Variants in PEPD observed in about 807,000 individuals in gnomAD.
The protein encoded by PEPD is xaa-Pro dipeptidase.
In PEPD, 53 loss-of-function variants were observed where a neutral mutation model predicts 60.7. The ratio of observed to expected loss-of-function variants is 0.87; its 90% CI spans 0.70 to 1.10. The LOEUF (loss-of-function observed/expected upper bound fraction) is 1.10, where lower values mean the gene tolerates loss of function less well. Among genes scored for constraint, PEPD ranks in the 50% least tolerant of loss-of-function variants. PEPD has a pLI of 0.00. For missense variants in PEPD, 711 were observed against 711.9 expected, an observed-to-expected ratio of 1.00 and a Z score of 0.01; for synonymous variants, 267 against 284.1, an observed-to-expected ratio of 0.94 and a Z score of 0.60.
chr19:33,474,849 G>A (rs1003564968), intron 7 of PEPD, among the ~76,000 whole-genome samples: 3 of 151,936 alleles, frequency 2.0e-5, no homozygotes, highest in Admixed American at 6.6e-5. Flanking sequence ...ATGTGGTGGC[G>A]TGTACCTGGA....
intron 11 of PEPD, among the ~76,000 whole-genome samples, chr19:33,404,080 C>T (rs1279372004): frequency 1.3e-5 from 2 of 152,210 alleles, no homozygotes; most frequent in Non-Finnish European, 2.9e-5. Flanking sequence ...ACTCGAAGCC[C>T]AGCAATGGGT....
chr19:33,397,909 A>G (rs1459052613), intron 12 of PEPD, among the ~76,000 whole-genome samples: 1 of 152,158 alleles, frequency 6.6e-6, no homozygotes, highest in African/African-American at 2.4e-5. Context: ...AGGTCTGGCC[A>G]CTTTCTGGAC....
At chr19:33,476,673 A>G (rs1055937761) in intron 7 of PEPD, among the ~76,000 whole-genome samples, 1 of 151,496 alleles carries the variant, frequency 6.6e-6, no homozygotes, top group Non-Finnish European at 1.5e-5. Flanking sequence ...TTTTTATTTT[A>G]TTTTTTTTGA....
chr19:33,516,355 TC>T (rs1355699182), intron 1 of PEPD, among the ~76,000 whole-genome samples: 1 of 152,012 alleles, frequency 6.6e-6, no homozygotes, highest in Non-Finnish European at 1.5e-5. Flanking sequence ...CATCCCCAGG[TC>T]CCAGGGTAAA....
At chr19:33,473,595 CCT>C (rs1970165956) in intron 7 of PEPD, among the ~76,000 whole-genome samples, 1 of 152,190 alleles carries the variant, frequency 6.6e-6, no homozygotes, top group Non-Finnish European at 1.5e-5. Flanking sequence ...CCTGCTCTCC[CCT>C]GACGCTTCCA....
intron 3 of PEPD, among the ~76,000 whole-genome samples, chr19:33,502,784 G>C (rs1365982525): frequency 6.6e-6 from 1 of 152,142 alleles, no homozygotes; most frequent in African/African-American, 2.4e-5. Flanking sequence ...TTGAGACTCT[G>C]CTCAGCCGGC....
rs10410463 is a variant in PEPD at position 33,476,020 on chromosome 19, A to T, written c.548+2026T>A. On this transcript the variant is annotated intron_variant, in intron 7 of 14. Transcript: ENST00000244137. The stretch of plus-strand genomic sequence containing the variant: ...GACTATAGGAGTCCAATGCCGTGTT[A>T]GGCTAATTTTTTAAAATTTTGTTTT... 1.4e-4 allele frequency among the ~76,000 whole-genome samples: 22 copies of T among 152,040 alleles called. 2 individuals carry two copies. The highest frequency in any genetic ancestry group is 5.3e-4 in the African/African-American group (22 of 41,484).
intron 4 of PEPD, among the ~76,000 whole-genome samples, chr19:33,497,600 A>G (rs1970632143): frequency 6.6e-6 from 1 of 151,854 alleles, no homozygotes; most frequent in African/African-American, 2.4e-5. Flanking sequence ...GCCTTTTTTC[A>G]GAGGAGACAA....
chr19:33,437,929 G>A (rs1259361206), intron 9 of PEPD, among the ~76,000 whole-genome samples: 1 of 152,196 alleles, frequency 6.6e-6, no homozygotes, highest in Non-Finnish European at 1.5e-5. Context: ...TGACACCCTG[G>A]CTCTCCCCTC....
At chr19:33,407,238 T>C (rs117105164) in intron 11 of PEPD, among the ~76,000 whole-genome samples, 1,575 of 152,284 alleles carry the variant, frequency 0.01, 13 homozygotes, top group Non-Finnish European at 0.016. Context: ...CTCTGCCCTG[T>C]GGGGTGAGCC....
chr19:33,387,289 A>G lies in PEPD; in HGVS notation c.*55T>C. 1.9e-6 allele frequency: 3 copies of G among 1,607,726 alleles called. No homozygotes were observed. Among genetic ancestry groups the G allele is most frequent in the Admixed American group, 1.7e-5 (1 of 59,938 alleles). On this transcript the variant is annotated 3_prime_UTR_variant, in exon 15 of 15. Coordinates refer to ENST00000244137, the MANE Select transcript of PEPD (RefSeq NM_000285.4). ...AGTGCTGACCAGCAGGCTGCCCATC[A>G]CGAAAAGAGGTTGCAAGGCCAGGCC...
intron 9 of PEPD, among the ~76,000 whole-genome samples, chr19:33,443,090 T>G (rs928573332): frequency 6.6e-6 from 1 of 152,210 alleles, no homozygotes; most frequent in African/African-American, 2.4e-5. Context: ...CCTCCCTGCT[T>G]TCTCCCCCAC....
At chr19:33,513,198 G>A (rs961929881) in intron 1 of PEPD, among the ~76,000 whole-genome samples, 1 of 152,050 alleles carries the variant, frequency 6.6e-6, no homozygotes, top group Non-Finnish European at 1.5e-5. Context: ...CCTGGCTCCC[G>A]GCTCAACCTC....
At chr19:33,408,485 G>A (rs1968690857) in intron 11 of PEPD, among the ~76,000 whole-genome samples, 1 of 152,248 alleles carries the variant, frequency 6.6e-6, no homozygotes, top group Non-Finnish European at 1.5e-5. Context: ...GTGTGTGCGT[G>A]TTGGGGGAGT....
At chr19:33,414,067 C>T in intron 9 of PEPD, among the ~76,000 whole-genome samples, 1 of 152,048 alleles carries the variant, frequency 6.6e-6, no homozygotes, top group Non-Finnish European at 1.5e-5. Flanking sequence ...AGGCCACCAC[C>T]CACCCTGCCA....
chr19:33,503,775 C>A (rs982188590), intron 3 of PEPD, among the ~76,000 whole-genome samples: 1 of 152,208 alleles, frequency 6.6e-6, no homozygotes, highest in Non-Finnish European at 1.5e-5. Flanking sequence ...CCTTCATTGC[C>A]TCCAGCTGTG....
intron 9 of PEPD, among the ~76,000 whole-genome samples, chr19:33,417,564 AT>A (rs1176444066): frequency 2.0e-5 from 3 of 152,148 alleles, no homozygotes; most frequent in Non-Finnish European, 4.4e-5. Flanking sequence ...CATCTGTAAA[AT>A]GGGGATGATA....
chr19:33,498,537 G>A (rs1198746982), intron 4 of PEPD, among the ~76,000 whole-genome samples: 2 of 152,208 alleles, frequency 1.3e-5, no homozygotes, highest in Non-Finnish European at 2.9e-5. Flanking sequence ...GTCCAGAGGT[G>A]GCTCGGACTC....
intron 9 of PEPD, among the ~76,000 whole-genome samples, chr19:33,449,989 G>A (rs1477967711): frequency 6.6e-6 from 1 of 152,242 alleles, no homozygotes; most frequent in African/African-American, 2.4e-5. Flanking sequence ...TTGGGTGCAG[G>A]AGTGGCCACT....
Sources: allele counts gnomAD v4.1 joint callset (sites outside exome capture counted in the v4.1 genomes callset), GRCh38; gene constraint gnomAD v4.1.1; transcripts MANE v1.5; gene names NCBI Gene and HGNC (gene_info 2026-07-23, HGNC 2026-07-21).